Variants in TMTC2 observed in about 807,000 individuals in gnomAD.
The protein encoded by TMTC2 is protein O-mannosyl-transferase TMTC2.
A neutral mutation model predicts 82.4 loss-of-function variants in TMTC2; 43 were observed. The ratio of observed to expected loss-of-function variants is 0.52; its 90% CI spans 0.41 to 0.67. The LOEUF (loss-of-function observed/expected upper bound fraction) is 0.67. TMTC2 is among the 30% of genes least tolerant of loss of function. The probability of loss-of-function intolerance (pLI) is 0.00; values close to 1 mark genes in which losing one functional copy is unlikely to be tolerated. For missense variants in TMTC2, 919 were observed against 1,012.4 expected (o/e 0.91, Z 1.25); for synonymous variants, 408 against 381.9 (o/e 1.07, Z -0.80).
intron 1 of TMTC2, among the ~76,000 whole-genome samples, chr12:82,716,683 G>T (rs1032073592): frequency 2.0e-5 from 3 of 152,012 alleles, no homozygotes; most frequent in Non-Finnish European, 4.4e-5. Context: ...TTTTTGCTGA[G>T]TGCCAGTTAA....
chr12:82,770,013 A>T (rs1877200385), intron 1 of TMTC2, among the ~76,000 whole-genome samples: 1 of 152,320 alleles, frequency 6.6e-6, no homozygotes, highest in Admixed American at 6.5e-5. Flanking sequence ...CTTTTTATTG[A>T]AAATGATATA....
intron 1 of TMTC2, among the ~76,000 whole-genome samples, chr12:82,749,721 T>C (rs1410200243): frequency 1.4e-5 from 1 of 69,486 alleles, no homozygotes; most frequent in East Asian, 3.9e-4. Context: ...CTGTTTGTTT[T>C]TCTTTCTTTC....
chr12:83,007,561 A>G (rs995247241), intron 8 of TMTC2, among the ~76,000 whole-genome samples: 4 of 152,066 alleles, frequency 2.6e-5, no homozygotes, highest in Non-Finnish European at 5.9e-5. Flanking sequence ...AGTATTCACA[A>G]TTCCTCCCTC....
At chr12:82,799,644 G>A (rs1878899964) in intron 1 of TMTC2, among the ~76,000 whole-genome samples, 1 of 152,044 alleles carries the variant, frequency 6.6e-6, no homozygotes, top group Non-Finnish European at 1.5e-5. Context: ...GTGGTTTGCT[G>A]GCCATCTCTG....
chr12:83,132,405 C>A lies in TMTC2; in HGVS notation c.*16C>A. The A allele has an allele frequency of 6.2e-7, 1 of 1,610,740 alleles. No individual in the cohort carries two copies. The highest frequency in any genetic ancestry group is 1.1e-5 in the South Asian group (1 of 90,522). On this transcript the variant is annotated 3_prime_UTR_variant, in exon 12 of 12. Transcript: ENST00000321196. ...TAAGACCTGACACAGGAGGCAGAAG[C>A]CCATCCTCCTCCATTTTTAAAAGCT...
intron 4 of TMTC2, among the ~76,000 whole-genome samples, chr12:82,937,764 A>ATGTGTG (rs1565818289): frequency 2.1e-4 from 4 of 18,680 alleles, no homozygotes; most frequent in Admixed American, 1.9e-3. Flanking sequence ...ATATATATAT[A>ATGTGTG]TATATATATA....
chr12:83,017,551 A>C (rs1308697845), intron 8 of TMTC2, among the ~76,000 whole-genome samples: 1 of 152,174 alleles, frequency 6.6e-6, no homozygotes, highest in African/African-American at 2.4e-5. Context: ...TTCATTCATT[A>C]GTACAGAATG....
intron 8 of TMTC2, among the ~76,000 whole-genome samples, chr12:83,007,104 C>G (rs1796145): frequency 6.6e-6 from 1 of 151,774 alleles, no homozygotes; most frequent in Admixed American, 6.6e-5. Flanking sequence ...TAGAAAAAAA[C>G]CCAGAAAATT....
intron 1 of TMTC2, among the ~76,000 whole-genome samples, chr12:82,826,774 C>T (rs187914908): frequency 6.6e-6 from 1 of 152,280 alleles, no homozygotes; most frequent in East Asian, 1.9e-4. Context: ...CTCTTGCTAA[C>T]TGAAGATTGG....
At chr12:83,064,950 C>G (rs1248747360) in intron 11 of TMTC2, among the ~76,000 whole-genome samples, 1 of 151,900 alleles carries the variant, frequency 6.6e-6, no homozygotes, top group Non-Finnish European at 1.5e-5. Context: ...TTAAATAGTT[C>G]CATTGTCTTT....
At chr12:82,690,310 G>C in intron 1 of TMTC2, 1 of 936,922 alleles carries the variant, frequency 1.1e-6, no homozygotes, top group Non-Finnish European at 1.3e-6. Context: ...TGCCCTCCAG[G>C]AACTTTTGTG....
Position 82,786,637 on chromosome 12 carries a change from A to T in TMTC2, c.84-70373A>T, listed in dbSNP as rs78200626. On this transcript the variant is annotated intron_variant, in intron 1 of 11. Transcript: ENST00000321196. Reference sequence around the variant, plus strand: ...CTAGTGTTAAATGTTTACTTTTTAGACTCTTATTACTGGGAATTCCTTGAT... The same window carrying T: ...CTAGTGTTAAATGTTTACTTTTTAGTCTCTTATTACTGGGAATTCCTTGAT... Among the ~76,000 whole-genome samples the T allele has an allele frequency of 4.9e-3, 749 of 152,080 alleles. 4 individuals carry two copies. Among genetic ancestry groups the T allele is most frequent in the African/African-American group, 0.017 (716 of 41,498 alleles).
At chr12:83,103,587 C>G (rs755331523) in intron 11 of TMTC2, among the ~76,000 whole-genome samples, 8 of 152,126 alleles carry the variant, frequency 5.3e-5, no homozygotes, top group Non-Finnish European at 8.8e-5. Flanking sequence ...GGGATCCACC[C>G]CCATTTCCCA....
intron 1 of TMTC2, among the ~76,000 whole-genome samples, chr12:82,794,296 G>A (rs536900224): frequency 2.0e-4 from 30 of 152,092 alleles, no homozygotes; most frequent in African/African-American, 6.0e-4. Flanking sequence ...AATCTGGTTC[G>A]TCTTTTGTTC....
intron 11 of TMTC2, among the ~76,000 whole-genome samples, chr12:83,076,281 C>T (rs912206896): frequency 3.9e-5 from 6 of 152,166 alleles, no homozygotes; most frequent in African/African-American, 1.4e-4. Flanking sequence ...ATAGCAGGAA[C>T]GTAAGTAGCT....
intron 3 of TMTC2, among the ~76,000 whole-genome samples, chr12:82,927,808 TTAGCATTTTTTAGCAAC>T (rs1875811168): frequency 1.3e-5 from 2 of 152,226 alleles, no homozygotes; most frequent in Non-Finnish European, 2.9e-5. Flanking sequence ...CAGATGATTG[TTAGCATTTTTTAGCAAC>T]AAAGTATTTT....
intron 1 of TMTC2, among the ~76,000 whole-genome samples, chr12:82,800,926 C>T (rs1878966509): frequency 6.6e-6 from 1 of 152,098 alleles, no homozygotes; most frequent in South Asian, 2.1e-4. Flanking sequence ...CATACATTGG[C>T]ATGCTTAGTA....
intron 4 of TMTC2, among the ~76,000 whole-genome samples, chr12:82,937,918 T>TATA (rs1555199260): frequency 2.9e-5 from 1 of 33,990 alleles, no homozygotes; most frequent in Non-Finnish European, 7.9e-5. Context: ...CTTTTTTTTT[T>TATA]TTTATTTTTT....
rs1341076579 is a variant in TMTC2 at position 82,687,576 on chromosome 12, G to A, written c.-11G>A. On this transcript the variant is annotated 5_prime_UTR_variant, in exon 1 of 12. Transcript: ENST00000321196. ...CGCTGGGAGCCGAGCCGGAGGGAAG[G>A]CGGTGGAGAGATGATTGCAGAGTTG... The A allele has an allele frequency of 6.3e-7, 1 of 1,592,898 alleles. No homozygotes were observed. The highest frequency in any genetic ancestry group is 8.5e-7 in the Non-Finnish European group (1 of 1,171,366).
Sources: allele counts gnomAD v4.1 joint callset (sites outside exome capture counted in the v4.1 genomes callset), GRCh38; gene constraint gnomAD v4.1.1; transcripts MANE v1.5; gene names NCBI Gene and HGNC (gene_info 2026-07-23, HGNC 2026-07-21).